The following RNFT2 variants were observed in gnomAD, a reference collection of about 807,000 sequenced individuals.
RNFT2 encodes the protein E3 ubiquitin-protein ligase RNFT2.
Under a neutral mutation model 53.0 loss-of-function variants are expected in RNFT2, and 36 were observed. The observed-to-expected ratio is 0.68, with a 90% CI of 0.52 to 0.90. RNFT2 has a LOEUF of 0.90. Ranked by LOEUF, RNFT2 falls within the 40% of genes least tolerant of loss-of-function variation. The pLI is 0.00. For synonymous variants in RNFT2, 260 were observed against 253.2 expected (o/e 1.03, Z -0.26); for missense variants, 514 against 585.6 (o/e 0.88, Z 1.26).
intron 7 of RNFT2, among the ~76,000 whole-genome samples, chr12:116,781,188 T>C (rs1873681249): frequency 6.6e-6 from 1 of 152,108 alleles, no homozygotes; most frequent in African/African-American, 2.4e-5. Context: ...CCCTCATCTG[T>C]AAAATGGGGT....
At chr12:116,771,490 A>ATATATATAT (rs1308384275) in intron 6 of RNFT2, among the ~76,000 whole-genome samples, 3 of 107,592 alleles carry the variant, frequency 2.8e-5, no homozygotes, top group African/African-American at 1.1e-4. Flanking sequence ...AAAAAAAAAA[A>ATATATATAT]AAAAATACGT....
chr12:116,791,743 C>T (rs539854804), intron 7 of RNFT2, among the ~76,000 whole-genome samples: 14 of 152,170 alleles, frequency 9.2e-5, no homozygotes, highest in Non-Finnish European at 1.6e-4. Flanking sequence ...TGTGAGCTTT[C>T]GCAGACAAGT....
At chr12:116,805,249 G>A (rs1266023005) in intron 7 of RNFT2, among the ~76,000 whole-genome samples, 1 of 151,850 alleles carries the variant, frequency 6.6e-6, no homozygotes, top group East Asian at 1.9e-4. Flanking sequence ...CCTAACAGAG[G>A]TAATAGCGGG....
intron 7 of RNFT2, among the ~76,000 whole-genome samples, chr12:116,829,839 C>T (rs1170581464): frequency 6.6e-6 from 1 of 152,100 alleles, no homozygotes; most frequent in Non-Finnish European, 1.5e-5. Flanking sequence ...CCTTGGCCTC[C>T]CAAAGTGCTG....
intron 7 of RNFT2, among the ~76,000 whole-genome samples, chr12:116,825,334 TC>T (rs2137188422): frequency 6.6e-6 from 1 of 152,342 alleles, no homozygotes; most frequent in Admixed American, 6.5e-5. Flanking sequence ...GGCTTGGAAG[TC>T]CCAGATATCA....
intron 7 of RNFT2, among the ~76,000 whole-genome samples, chr12:116,800,354 C>T (rs1019431327): frequency 2.0e-5 from 3 of 151,868 alleles, no homozygotes; most frequent in South Asian, 2.1e-4. Flanking sequence ...AAAAATTGGC[C>T]GGGCACAGTG....
intron 10 of RNFT2, among the ~76,000 whole-genome samples, chr12:116,848,025 T>G (rs1021000858): frequency 6.6e-6 from 1 of 151,728 alleles, no homozygotes; most frequent in Non-Finnish European, 1.5e-5. Context: ...CAGGCCCCAG[T>G]ATGTTGTTCC....
At position 116,749,958 on chromosome 12, in the gene RNFT2, C is replaced by G. The variant is rs949696277; in HGVS notation, c.201C>G (p.Leu67=). The G allele has an allele frequency of 6.4e-7, 1 of 1,565,938 alleles. No individual in the cohort carries two copies. The highest frequency in any genetic ancestry group is 8.7e-7 in the Non-Finnish European group (1 of 1,155,198). ...TCTTCTCGGGCTTATCAGGCAGCCT[C>G]CCCACCAGCTCGTTCCCCTCCAGCC... is the stretch of plus-strand genomic sequence containing the variant. ...PALFSGLSGS[L]PTSSFPSSLV... Residue 67 remains leucine, a synonymous_variant, in exon 4 of 11, where the codon CTC becomes CTG. Coordinates refer to ENST00000257575, the MANE Select transcript of RNFT2 (RefSeq NM_001382266.1).
intron 7 of RNFT2, among the ~76,000 whole-genome samples, chr12:116,808,569 G>A (rs1875196531): frequency 6.6e-6 from 1 of 152,130 alleles, no homozygotes; most frequent in Non-Finnish European, 1.5e-5. Context: ...GAGGTTTTGG[G>A]TGATTTATTT....
intron 5 of RNFT2, among the ~76,000 whole-genome samples, chr12:116,761,888 C>T (rs1226351361): frequency 6.6e-6 from 1 of 152,048 alleles, no homozygotes; most frequent in Non-Finnish European, 1.5e-5. Context: ...TTCACAAACC[C>T]ATTGAAAGGA....
intron 6 of RNFT2, among the ~76,000 whole-genome samples, chr12:116,767,955 A>G (rs1051129765): frequency 1.3e-5 from 2 of 152,106 alleles, no homozygotes; most frequent in Admixed American, 6.5e-5. Flanking sequence ...AACTAACCAC[A>G]TTTCAAGTGT....
chr12:116,821,291 CTT>C (rs1876006582), intron 7 of RNFT2, among the ~76,000 whole-genome samples: 1 of 152,120 alleles, frequency 6.6e-6, no homozygotes, highest in African/African-American at 2.4e-5. Context: ...CCCCGTCACA[CTT>C]GTTTCTCCCA....
chr12:116,784,092 C>T (rs1873825348), intron 7 of RNFT2, among the ~76,000 whole-genome samples: 1 of 152,234 alleles, frequency 6.6e-6, no homozygotes, highest in African/African-American at 2.4e-5. Context: ...AGTCAGACCA[C>T]CAGGCAGTCA....
chr12:116,792,012 C>A (rs1167589683), intron 7 of RNFT2, among the ~76,000 whole-genome samples: 1 of 152,078 alleles, frequency 6.6e-6, no homozygotes, highest in Non-Finnish European at 1.5e-5. Flanking sequence ...ATTATTAGAC[C>A]GCGGTCCTTC....
chr12:116,848,058 C>T (rs1935743357), intron 10 of RNFT2, among the ~76,000 whole-genome samples: 2 of 152,034 alleles, frequency 1.3e-5, no homozygotes, highest in South Asian at 2.1e-4. Context: ...CATGTGTTCT[C>T]ATTGTTCAGC....
At chr12:116,746,373 T>C (rs965281301) in intron 3 of RNFT2, among the ~76,000 whole-genome samples, 2 of 152,052 alleles carry the variant, frequency 1.3e-5, no homozygotes, top group Non-Finnish European at 1.5e-5. Context: ...GTGATTATAA[T>C]ATATGGCCAG....
intron 7 of RNFT2, among the ~76,000 whole-genome samples, chr12:116,824,958 C>A (rs1876246676): frequency 6.6e-6 from 1 of 152,110 alleles, no homozygotes; most frequent in South Asian, 2.1e-4. Context: ...CTTGAAAAAA[C>A]CATTTAATTC....
intron 10 of RNFT2, among the ~76,000 whole-genome samples, chr12:116,841,818 A>ATATAT (rs1565875981): frequency 1.3e-5 from 1 of 76,950 alleles, no homozygotes; most frequent in African/African-American, 7.6e-5. Context: ...TATATATATA[A>ATATAT]AAATATATAT....
Position 116,836,276 on chromosome 12 carries a change from G to C in RNFT2, c.1194G>C (p.Leu398=). ...QAEFREPLIL[L]CQHVFCEECL... is the part of the protein sequence containing the mutation. ...AGTTCCGAGAGCCTCTGATTCTCCT[G>C]TGCCAGGTGAGCAGGGCTCAGGCGG... Residue 398 remains leucine (L), a synonymous_variant, in exon 10 of 11, where the codon CTG becomes CTC. Coordinates refer to ENST00000257575, the MANE Select transcript of RNFT2 (RefSeq NM_001382266.1). The C allele has an allele frequency of 6.4e-7, 1 of 1,571,466 alleles. No individual in the cohort carries two copies. Among genetic ancestry groups the C allele is most frequent in the Non-Finnish European group, 8.6e-7 (1 of 1,158,320 alleles).
Sources: allele counts gnomAD v4.1 joint callset (sites outside exome capture counted in the v4.1 genomes callset), GRCh38; gene constraint gnomAD v4.1.1; transcripts MANE v1.5; gene names NCBI Gene and HGNC (gene_info 2026-07-23, HGNC 2026-07-21).